SLC15A1: variants seen among roughly 807,000 people sequenced by gnomAD.
SLC15A1 encodes the protein Caco-2 oligopeptide transporter.
Under a neutral mutation model 92.9 loss-of-function variants are expected in SLC15A1, and 83 were observed. The observed-to-expected ratio is 0.89, with a 90% CI of 0.75 to 1.07. SLC15A1 has a LOEUF of 1.07. Among genes scored for constraint, SLC15A1 ranks in the 50% least tolerant of loss-of-function variants. SLC15A1 has a pLI of 0.00. For synonymous variants in SLC15A1, 322 were observed against 318.2 expected, an observed-to-expected ratio of 1.01 and a Z score of -0.13; for missense variants, 857 against 880.1, an observed-to-expected ratio of 0.97 and a Z score of 0.33.
At chr13:98,742,613 C>T (rs530278199) in intron 1 of SLC15A1, among the ~76,000 whole-genome samples, 4 of 149,360 alleles carry the variant, frequency 2.7e-5, no homozygotes, top group South Asian at 2.1e-4. Flanking sequence ...CTTCAGAGGA[C>T]GCAAGGGAGA....
At chr13:98,747,726 CAA>C (rs757914983) in intron 1 of SLC15A1, among the ~76,000 whole-genome samples, 3 of 152,048 alleles carry the variant, frequency 2.0e-5, no homozygotes, top group African/African-American at 2.4e-5. Context: ...ACTAAAAATA[CAA>C]AAGTTAGCCA....
chr13:98,701,989 T>C (rs1468644978), intron 18 of SLC15A1, among the ~76,000 whole-genome samples: 3 of 152,186 alleles, frequency 2.0e-5, no homozygotes, highest in Non-Finnish European at 4.4e-5. Flanking sequence ...GGAAATATTT[T>C]TATTTCTTCC....
intron 1 of SLC15A1, among the ~76,000 whole-genome samples, chr13:98,742,676 C>T (rs764807177): frequency 3.0e-4 from 45 of 152,154 alleles, no homozygotes; most frequent in Non-Finnish European, 5.7e-4. Flanking sequence ...TGGTGTTCCC[C>T]GTCTTGTAAG....
chr13:98,735,467 G>C (rs1227343665), intron 1 of SLC15A1, among the ~76,000 whole-genome samples: 4 of 152,206 alleles, frequency 2.6e-5, no homozygotes, highest in Admixed American at 1.3e-4. Flanking sequence ...ATTCAACATA[G>C]AGTTGGAAGT....
intron 1 of SLC15A1, 104 bp from the exon 2 acceptor site, chr13:98,726,963 A>G (rs1191099773): frequency 9.3e-7 from 1 of 1,075,632 alleles, no homozygotes; most frequent in African/African-American, 1.6e-5. Flanking sequence ...CAGAGGGGCC[A>G]TTCACCAAAC....
intron 1 of SLC15A1, among the ~76,000 whole-genome samples, chr13:98,739,179 T>C (rs1248279141): frequency 6.6e-6 from 1 of 152,230 alleles, no homozygotes; most frequent in Non-Finnish European, 1.5e-5. Context: ...CATTGTATCT[T>C]AGAGTAACTT....
intron 1 of SLC15A1, among the ~76,000 whole-genome samples, chr13:98,733,604 A>C (rs1264054058): frequency 6.6e-6 from 1 of 152,218 alleles, no homozygotes; most frequent in African/African-American, 2.4e-5. Context: ...GCAAGAACAC[A>C]GCTTGGCCTT....
chr13:98,718,306 T>TC, intron 8 of SLC15A1, among the ~76,000 whole-genome samples: 1 of 18,808 alleles, frequency 5.3e-5, no homozygotes, highest in Admixed American at 7.3e-4. Flanking sequence ...TCATCTTTTT[T>TC]TTTTTTTTTT....
chr13:98,726,260 G>A lies in SLC15A1; in HGVS notation c.108C>T (p.Ile36=), dbSNP rs756639821. The part of the protein sequence containing the change: ...ERFSYYGMRA[I]LILYFTNFIS... Reference sequence around the variant, plus strand: ...TGAAATTTGTGAAGTACAGAATCAGGATTGCTTTTGCAGAGGGCAGGTGGA... The same window carrying A: ...TGAAATTTGTGAAGTACAGAATCAGAATTGCTTTTGCAGAGGGCAGGTGGA... The change falls in exon 4 of 23, where the codon ATC becomes ATT. Residue 36 remains isoleucine, a synonymous_variant. Transcript: ENST00000376503. 35 of 1,614,010 alleles carry A rather than the reference G, an allele frequency of 2.2e-5. No homozygotes were observed. The highest frequency in any genetic ancestry group is 2.9e-5 in the Non-Finnish European group (34 of 1,180,038).
At chr13:98,741,295 C>G (rs1262655303) in intron 1 of SLC15A1, among the ~76,000 whole-genome samples, 8 of 152,338 alleles carry the variant, frequency 5.3e-5, no homozygotes, top group Non-Finnish European at 1.2e-4. Context: ...TGTGCCCATC[C>G]TCAACTGCTC....
At chr13:98,710,829 A>AG (rs1375421684) in intron 11 of SLC15A1, among the ~76,000 whole-genome samples, 9 of 151,708 alleles carry the variant, frequency 5.9e-5, no homozygotes, top group Admixed American at 4.6e-4. Context: ...AAAAAAAAAA[A>AG]AAAGAAATCT....
chr13:98,735,679 C>A (rs1332852422), intron 1 of SLC15A1, among the ~76,000 whole-genome samples: 1 of 152,194 alleles, frequency 6.6e-6, no homozygotes, highest in Non-Finnish European at 1.5e-5. Flanking sequence ...AAATCACAAG[C>A]ATTCCTATAC....
intron 17 of SLC15A1, among the ~76,000 whole-genome samples, 165 bp downstream of exon 17, chr13:98,704,124 G>C (rs1401791116): frequency 6.6e-6 from 1 of 152,122 alleles, no homozygotes. Flanking sequence ...ACTTTTATTG[G>C]AAGTCTGACA....
intron 22 of SLC15A1, among the ~76,000 whole-genome samples, chr13:98,685,784 G>A (rs998764292): frequency 3.9e-5 from 6 of 152,222 alleles, no homozygotes; most frequent in African/African-American, 7.2e-5. Flanking sequence ...TCAAGAGATC[G>A]AGACCATCCT....
intron 1 of SLC15A1, among the ~76,000 whole-genome samples, chr13:98,745,215 C>A (rs963416383): frequency 2.6e-5 from 4 of 152,142 alleles, no homozygotes; most frequent in African/African-American, 9.7e-5. Flanking sequence ...AAACTATGAC[C>A]AGAAAACCCA....
intron 18 of SLC15A1, among the ~76,000 whole-genome samples, chr13:98,697,149 G>C (rs1317168557): frequency 3.9e-5 from 6 of 152,068 alleles, no homozygotes; most frequent in Non-Finnish European, 7.4e-5. Flanking sequence ...TCTGCCTCCT[G>C]GGTTCGAGTG....
At chr13:98,733,839 T>G (rs890497291) in intron 1 of SLC15A1, among the ~76,000 whole-genome samples, 16 of 152,334 alleles carry the variant, frequency 1.1e-4, no homozygotes, top group Non-Finnish European at 7.4e-5. Context: ...AATCTCATAT[T>G]GAAATGTAAT....
At chr13:98,714,391 A>G (rs1376462965) in intron 9 of SLC15A1, among the ~76,000 whole-genome samples, 1 of 152,054 alleles carries the variant, frequency 6.6e-6, no homozygotes, top group African/African-American at 2.4e-5. Flanking sequence ...CAATTGAAAT[A>G]TAATACAATA....
intron 6 of SLC15A1, 22 bp downstream of exon 6, chr13:98,721,782 C>G (rs367820496): frequency 3.7e-6 from 6 of 1,607,840 alleles, no homozygotes; most frequent in Non-Finnish European, 5.1e-6. Context: ...CACGTGGGCT[C>G]TGGGGAGGCC....
Sources: gnomAD v4.1 joint callset for allele counts (sites outside exome capture counted in the v4.1 genomes callset) on GRCh38, gnomAD v4.1.1 for gene constraint, MANE v1.5 for transcripts, NCBI Gene and HGNC (gene_info 2026-07-23, HGNC 2026-07-21) for gene names.